Variants in CNTNAP5 observed in about 807,000 individuals in gnomAD.
CNTNAP5 encodes contactin-associated protein-like 5.
Under a neutral mutation model 150.2 loss-of-function variants are expected in CNTNAP5, and 72 were observed. The ratio of observed to expected loss-of-function variants is 0.48; its 90% CI spans 0.40 to 0.58. The LOEUF (loss-of-function observed/expected upper bound fraction) is 0.58. CNTNAP5 is among the 20% of genes least tolerant of loss of function. CNTNAP5 has a pLI of 0.00. For synonymous variants in CNTNAP5, 672 were observed against 619.8 expected (o/e 1.08, Z -1.25); for missense variants, 1,636 against 1,626.2 (o/e 1.01, Z -0.10).
intron 5 of CNTNAP5, among the ~76,000 whole-genome samples, chr2:124,434,956 T>TA (rs1165204044): frequency 6.6e-6 from 1 of 152,204 alleles, no homozygotes; most frequent in Non-Finnish European, 1.5e-5. Context: ...ACTCAAACTC[T>TA]AAAAAAACTT....
chr2:124,535,533 A>T (rs1465792107), intron 10 of CNTNAP5, among the ~76,000 whole-genome samples: 4 of 151,256 alleles, frequency 2.6e-5, no homozygotes, highest in Non-Finnish European at 5.9e-5. Context: ...GGAGGCCAAG[A>T]AGGGCGGATC....
intron 19 of CNTNAP5, among the ~76,000 whole-genome samples, chr2:124,862,749 TC>T (rs1261910511): frequency 6.6e-6 from 1 of 152,186 alleles, no homozygotes; most frequent in Admixed American, 6.5e-5. Context: ...AGTTAGCCTT[TC>T]ATGGGGTCAA....
chr2:124,802,299 C>T (rs1247271754), intron 19 of CNTNAP5, among the ~76,000 whole-genome samples: 1 of 152,142 alleles, frequency 6.6e-6, no homozygotes, highest in Admixed American at 6.5e-5. Context: ...ATAAGTCTCT[C>T]CCTGGCAGGG....
intron 2 of CNTNAP5, among the ~76,000 whole-genome samples, chr2:124,234,820 A>G (rs1686708302): frequency 1.3e-5 from 2 of 152,198 alleles, no homozygotes; most frequent in African/African-American, 2.4e-5. Context: ...TGTCTTGAGT[A>G]CTGAGCGTCT....
Position 124,494,082 on chromosome 2 carries a change from C to CTG in CNTNAP5, c.1063-10197_1063-10196dup, listed in dbSNP as rs991017149. On this transcript the variant is annotated intron_variant, in intron 7 of 23. Transcript: ENST00000682447. ...GGAGACTGTGTGTGTGTGTGTGTGT[C>CTG]TGTGTGTGTGTGTGCCTGTGTGTGT... Among the ~76,000 whole-genome samples the CTG allele has an allele frequency of 1.0e-4, 10 of 98,332 alleles. No homozygotes were observed. In the East Asian group the frequency reaches 1.3e-3, roughly 13 times the overall value. The allele number at this position is 98,332 out of a possible 152,430, so 64.5% of individuals were successfully genotyped here.
At chr2:124,592,063 T>C (rs2104961066) in intron 11 of CNTNAP5, among the ~76,000 whole-genome samples, 1 of 152,312 alleles carries the variant, frequency 6.6e-6, no homozygotes, top group Admixed American at 6.5e-5. Context: ...GCTTCATTCC[T>C]GTTCAAAGCT....
chr2:124,900,394 AATC>A (rs1174624515), intron 21 of CNTNAP5, among the ~76,000 whole-genome samples: 1 of 151,500 alleles, frequency 6.6e-6, no homozygotes, highest in African/African-American at 2.4e-5. Flanking sequence ...GAATCTGAGA[AATC>A]ATGATCTCGA....
At chr2:124,141,979 G>A (rs1386057230) in intron 1 of CNTNAP5, among the ~76,000 whole-genome samples, 3 of 136,462 alleles carry the variant, frequency 2.2e-5, no homozygotes, top group Admixed American at 7.5e-5. Flanking sequence ...AAAAAGGCAG[G>A]GGTTGCAATC....
intron 1 of CNTNAP5, among the ~76,000 whole-genome samples, chr2:124,201,117 C>T (rs1427282045): frequency 6.6e-6 from 1 of 152,198 alleles, no homozygotes; most frequent in South Asian, 2.1e-4. Context: ...AATTACTCCT[C>T]ATTTCTACAA....
intron 19 of CNTNAP5, among the ~76,000 whole-genome samples, chr2:124,840,459 A>G (rs1312298905): frequency 2.6e-5 from 4 of 152,128 alleles, no homozygotes; most frequent in Admixed American, 2.0e-4. Context: ...TGTGAGCTCC[A>G]TGAAAGCAGA....
At chr2:124,773,943 TGTGTGAGAGAGA>T (rs1290501580) in intron 17 of CNTNAP5, among the ~76,000 whole-genome samples, 4 of 116,566 alleles carry the variant, frequency 3.4e-5, no homozygotes, top group African/African-American at 1.3e-4. Flanking sequence ...TGTGTGTGTG[TGTGTGAGAGAGA>T]GAGAGAGAGA....
chr2:124,585,304 G>A (rs1696503126), intron 11 of CNTNAP5, among the ~76,000 whole-genome samples: 1 of 152,130 alleles, frequency 6.6e-6, no homozygotes, highest in Non-Finnish European at 1.5e-5. Context: ...CTGAAAGTGG[G>A]GCACGTGTCT....
chr2:124,223,595 A>C (rs1686380094), intron 2 of CNTNAP5, among the ~76,000 whole-genome samples: 1 of 151,920 alleles, frequency 6.6e-6, no homozygotes, highest in South Asian at 2.1e-4. Flanking sequence ...GATCCCACCC[A>C]AATTGTGCAG....
At chr2:124,123,780 C>A (rs1282628603) in intron 1 of CNTNAP5, among the ~76,000 whole-genome samples, 4 of 152,148 alleles carry the variant, frequency 2.6e-5, no homozygotes, top group African/African-American at 9.7e-5. Context: ...GCTAGTGATA[C>A]CCAGGCAAAT....
intron 13 of CNTNAP5, among the ~76,000 whole-genome samples, chr2:124,726,473 A>G (rs181300732): frequency 3.3e-5 from 5 of 152,082 alleles, no homozygotes; most frequent in Admixed American, 3.3e-4. Context: ...TAAGATTGTT[A>G]GTTTCCTAAG....
intron 1 of CNTNAP5, among the ~76,000 whole-genome samples, chr2:124,192,119 T>C (rs1220668051): frequency 2.0e-5 from 3 of 152,130 alleles, no homozygotes; most frequent in Non-Finnish European, 4.4e-5. Context: ...CAGATCCACA[T>C]GCTCCATTTT....
At chr2:124,749,321 C>G (rs985679295) in intron 14 of CNTNAP5, among the ~76,000 whole-genome samples, 4 of 151,932 alleles carry the variant, frequency 2.6e-5, no homozygotes, top group African/African-American at 9.7e-5. Flanking sequence ...TTACTCTTGA[C>G]TCTGACCCCT....
intron 12 of CNTNAP5, among the ~76,000 whole-genome samples, chr2:124,640,358 T>G (rs1244972275): frequency 6.6e-6 from 1 of 152,322 alleles, no homozygotes; most frequent in East Asian, 1.9e-4. Flanking sequence ...AGTCGTAAAG[T>G]GTGGCCCACG....
rs141746773 is a variant in CNTNAP5 at position 124,888,333 on chromosome 2, C to T, written c.3437-14549C>T. ...ATAGTGTATATGTACCACATTTTCC[C>T]TTTCCATCCACCATCGATGGACATG... On this transcript the variant is annotated intron_variant, in intron 21 of 23. Coordinates refer to ENST00000682447, the MANE Select transcript of CNTNAP5 (RefSeq NM_001367498.1). Among the ~76,000 whole-genome samples the T allele has an allele frequency of 2.3e-3, 351 of 152,210 alleles. 2 individuals carry two copies. Among genetic ancestry groups the T allele is most frequent in the African/African-American group, 8.0e-3 (333 of 41,564 alleles).
Sources: allele counts gnomAD v4.1 joint callset (sites outside exome capture counted in the v4.1 genomes callset), GRCh38; gene constraint gnomAD v4.1.1; transcripts MANE v1.5; gene names NCBI Gene and HGNC (gene_info 2026-07-23, HGNC 2026-07-21).